Variants in SV2B observed in about 807,000 individuals in gnomAD.
The protein encoded by SV2B is synaptic vesicle glycoprotein 2B.
A neutral mutation model predicts 73.9 loss-of-function variants in SV2B; 41 were observed. The observed-to-expected ratio is 0.56, with a 90% confidence interval of 0.43 to 0.72. SV2B has a LOEUF of 0.72. Ranked by LOEUF, SV2B falls within the 30% of genes least tolerant of loss-of-function variation. The probability of loss-of-function intolerance (pLI) is 0.00; values close to 1 mark genes in which losing one functional copy is unlikely to be tolerated. For synonymous variants in SV2B, 314 were observed against 314.2 expected (o/e 1.00, Z 0.01); for missense variants, 764 against 857.8 (o/e 0.89, Z 1.37).
Position 91,122,922 on chromosome 15 carries a change from C to T in SV2B, c.-392+22559C>T, listed in dbSNP as rs2042378476. Among the ~76,000 whole-genome samples the T allele has an allele frequency of 6.6e-6, 1 of 152,142 alleles. No individual in the cohort carries two copies. On this transcript the variant is annotated intron_variant, in intron 1 of 12. Coordinates refer to ENST00000394232, the MANE Select transcript of SV2B (RefSeq NM_001323032.3). This position sits in a 1 kb window ranked among gnomAD's most constrained non-coding sequence, Gnocchi z 4.3. ...TTCAGTTTGACAGGATTAATAAATT[C>T]AAGAGGTCTATTCTACAACCTGGTA...
intron 1 of SV2B, among the ~76,000 whole-genome samples, chr15:91,135,740 A>G (rs1309217790): frequency 6.6e-6 from 1 of 152,204 alleles, no homozygotes; most frequent in African/African-American, 2.4e-5. Context: ...TTGCCTACTT[A>G]CTTATTTCAC....
Position 91,140,387 on chromosome 15 carries a change from A to G in SV2B, c.-392+40024A>G, listed in dbSNP as rs2042963897. Among the ~76,000 whole-genome samples, 1 of 152,220 alleles carries G rather than the reference A, an allele frequency of 6.6e-6. No homozygotes were observed. The highest frequency in any genetic ancestry group is 1.5e-5 in the Non-Finnish European group (1 of 68,040). On this transcript the variant is annotated intron_variant, in intron 1 of 12. Transcript: ENST00000394232. The surrounding 1 kb of genome is among the most constrained non-coding windows in gnomAD (Gnocchi z 4.4). ...ATGCCTTTCAGCATTTTCTGTCTCA[A>G]AAGTCTAGTGCTTCTCCCAGAGGAG...
rs1355204849 is a variant in SV2B, at chr15:91,252,789, T to C, written c.784+269T>C. On this transcript the variant is annotated intron_variant, in intron 4 of 12. Coordinates refer to ENST00000394232, the MANE Select transcript of SV2B (RefSeq NM_001323032.3). The surrounding 1 kb of genome is among the most constrained non-coding windows in gnomAD (Gnocchi z 4.6). ...CTCCTTCCCTCTCTCCCTTTCTTGT[T>C]TCCTTACTTTTATTTGAAATAATTT... 6.6e-6 allele frequency among the ~76,000 whole-genome samples: 1 copy of C among 152,158 alleles called. No individual in the cohort carries two copies. Among genetic ancestry groups the C allele is most frequent in the East Asian group, 1.9e-4 (1 of 5,194 alleles).
In SV2B at chr15:91,289,369, C is replaced by A; in HGVS notation, c.1709-152C>A. The stretch of plus-strand genomic sequence containing the variant: ...GTGCCTTGTGAGGATTCCAGCTGTG[C>A]TCTCTCTGTGTGGAGGGTGAACCTA... On this transcript the variant is annotated intron_variant, in intron 11 of 12. Transcript: ENST00000394232. This position sits in a 1 kb window ranked among gnomAD's most constrained non-coding sequence, Gnocchi z 4.9. The A allele has an allele frequency of 1.0e-6, 1 of 958,772 alleles. No individual in the cohort carries two copies. Among genetic ancestry groups the A allele is most frequent in the Non-Finnish European group, 1.6e-6 (1 of 612,618 alleles). 59.4% of individuals were successfully genotyped at this position (958,772 alleles called of 1,614,324 possible). A position where few individuals can be genotyped will look rare whatever the true frequency, so the allele number is the denominator to read the frequency against.
intron 2 of SV2B, among the ~76,000 whole-genome samples, chr15:91,249,175 A>T (rs1024474312): frequency 1.3e-5 from 2 of 151,912 alleles, no homozygotes; most frequent in African/African-American, 4.8e-5. Context: ...TACATGAACT[A>T]TGCTCTACTC....
intron 1 of SV2B, among the ~76,000 whole-genome samples, chr15:91,160,858 A>C (rs895276312): frequency 6.6e-6 from 1 of 152,228 alleles, no homozygotes; most frequent in Non-Finnish European, 1.5e-5. Context: ...AAATAAAATA[A>C]ATTTCAGATG....
chr15:91,200,159 A>AGT (rs1298200324), intron 1 of SV2B, among the ~76,000 whole-genome samples: 1 of 152,224 alleles, frequency 6.6e-6, no homozygotes, highest in Non-Finnish European at 1.5e-5. Context: ...ATTTACCAAA[A>AGT]GGTAAGGTTT....
chr15:91,104,845 T>A (rs996057520), intron 1 of SV2B, among the ~76,000 whole-genome samples: 1 of 152,190 alleles, frequency 6.6e-6, no homozygotes, highest in Non-Finnish European at 1.5e-5. Context: ...TTGGTCAGGC[T>A]GGTCTCAAAC....
intron 1 of SV2B, among the ~76,000 whole-genome samples, chr15:91,198,743 C>T (rs1342495865): frequency 6.6e-6 from 1 of 152,134 alleles, no homozygotes; most frequent in African/African-American, 2.4e-5. Context: ...TGCTCTTGCC[C>T]AGGGAGAATG....
At chr15:91,259,541 GCCACAAACCGAGTGA>G (rs2047831372) in intron 5 of SV2B, among the ~76,000 whole-genome samples, 1 of 152,208 alleles carries the variant, frequency 6.6e-6, no homozygotes, top group Non-Finnish European at 1.5e-5. Flanking sequence ...GTAGCAAAAT[GCCACAAACCGAGTGA>G]CTTAAAAGGA....
chr15:91,136,929 G>A lies in SV2B; in HGVS notation c.-392+36566G>A, dbSNP rs1178968060. On this transcript the variant is annotated intron_variant, in intron 1 of 12. Coordinates refer to ENST00000394232, the MANE Select transcript of SV2B (RefSeq NM_001323032.3). The surrounding 1 kb of genome is among the most constrained non-coding windows in gnomAD (Gnocchi z 5.6). ...TGGTCAATGGCAACTTACCTTGACC[G>A]GGATTTTGGCAGATGAAGGAAAAAC... Among the ~76,000 whole-genome samples the A allele has an allele frequency of 2.6e-5, 4 of 152,172 alleles. No homozygotes were observed. The highest frequency in any genetic ancestry group is 1.3e-4 in the Admixed American group (2 of 15,282).
At position 91,239,873 on chromosome 15, in the gene SV2B, G is replaced by C. The variant is rs971522172; in HGVS notation, c.452-11946G>C. 5.3e-5 allele frequency among the ~76,000 whole-genome samples: 8 copies of C among 152,200 alleles called. No homozygotes were observed. The highest frequency in any genetic ancestry group is 1.9e-4 in the African/African-American group (8 of 41,450). Reference sequence around the variant, plus strand: ...TCTTTACTTTCCATGGTGGTCACAAGATAGCCACCATAGCTCTAATCTAAG... The same window carrying C: ...TCTTTACTTTCCATGGTGGTCACAACATAGCCACCATAGCTCTAATCTAAG... On this transcript the variant is annotated intron_variant, in intron 2 of 12. Coordinates refer to ENST00000394232, the MANE Select transcript of SV2B (RefSeq NM_001323032.3). This position sits in a 1 kb window ranked among gnomAD's most constrained non-coding sequence, Gnocchi z 5.1.
intron 2 of SV2B, among the ~76,000 whole-genome samples, chr15:91,249,155 C>T (rs1209116051): frequency 6.6e-6 from 1 of 151,976 alleles, no homozygotes; most frequent in African/African-American, 2.4e-5. Flanking sequence ...GAACCCTCAC[C>T]AGATTCCCCT....
At chr15:91,138,406 A>C (rs1400570862) in intron 1 of SV2B, among the ~76,000 whole-genome samples, 1 of 152,230 alleles carries the variant, frequency 6.6e-6, no homozygotes, top group Non-Finnish European at 1.5e-5. Flanking sequence ...TGGACAGCAC[A>C]GTTCTAGACT....
At chr15:91,199,962 G>A (rs2045402077) in intron 1 of SV2B, among the ~76,000 whole-genome samples, 2 of 152,208 alleles carry the variant, frequency 1.3e-5, no homozygotes, top group African/African-American at 4.8e-5. Context: ...GCCCCGCAGA[G>A]AGGCAAGCTC....
At chr15:91,194,324 C>T (rs2045161643) in intron 1 of SV2B, among the ~76,000 whole-genome samples, 1 of 152,102 alleles carries the variant, frequency 6.6e-6, no homozygotes. Context: ...CTGCTCATGC[C>T]TCTGGACCTC....
In SV2B at chr15:91,239,802, G is replaced by A. The variant is rs1423882800; in HGVS notation, c.452-12017G>A. The stretch of plus-strand genomic sequence containing the variant: ...AAGTAGGTGGTACCAGAGTTGGTTC[G>A]ATGACTCACTGATGTCAGGGCATGA... On this transcript the variant is annotated intron_variant, in intron 2 of 12. Coordinates refer to ENST00000394232, the MANE Select transcript of SV2B (RefSeq NM_001323032.3). The surrounding 1 kb of genome is among the most constrained non-coding windows in gnomAD (Gnocchi z 5.1). Among the ~76,000 whole-genome samples, 3 of 152,240 alleles carry A rather than the reference G, an allele frequency of 2.0e-5. No homozygotes were observed. The highest frequency in any genetic ancestry group is 4.8e-5 in the African/African-American group (2 of 41,552).
chr15:91,189,737 C>T (rs181015524), intron 1 of SV2B, among the ~76,000 whole-genome samples: 1 of 152,252 alleles, frequency 6.6e-6, no homozygotes, highest in Admixed American at 6.5e-5. Flanking sequence ...GCCTGTAATC[C>T]CAGCACTTTG....
intron 1 of SV2B, among the ~76,000 whole-genome samples, chr15:91,186,992 T>G (rs902138208): frequency 6.6e-6 from 1 of 152,224 alleles, no homozygotes; most frequent in Non-Finnish European, 1.5e-5. Context: ...CTTTTAAAAG[T>G]ACACTTTTTG....
Sources: allele counts gnomAD v4.1 joint callset (sites outside exome capture counted in the v4.1 genomes callset), GRCh38; gene constraint gnomAD v4.1.1; non-coding constraint Gnocchi (gnomAD v3.1); transcripts MANE v1.5; gene names NCBI Gene and HGNC (gene_info 2026-07-23, HGNC 2026-07-21).